LCA5: variants seen among roughly 807,000 people sequenced by gnomAD.
LCA5 encodes the protein lebercilin LCA5.
LCA5 carries 37 observed loss-of-function variants against 53.0 expected under a neutral mutation model. The observed-to-expected ratio is 0.70, with a 90% CI of 0.54 to 0.92. The LOEUF is 0.92. LCA5 is among the 40% of genes least tolerant of loss of function. The pLI is 0.00. For synonymous variants in LCA5, 303 were observed against 282.9 expected, an observed-to-expected ratio of 1.07 and a Z score of -0.71; for missense variants, 806 against 790.5, an observed-to-expected ratio of 1.02 and a Z score of -0.23.
Position 79,512,625 on chromosome 6 carries a change from T to C in LCA5, c.720+587A>G, listed in dbSNP as rs1217071692. ...ACTCAGGGCTTCTGTTTGATACATA[T>C]ATATATAGAAGGTGGCAACTGACTG... On this transcript the variant is annotated intron_variant, in intron 3 of 7. Coordinates refer to ENST00000369846, the MANE Select transcript of LCA5 (RefSeq NM_001122769.3). Among the ~76,000 whole-genome samples, 8 of 152,022 alleles carry C rather than the reference T, an allele frequency of 5.3e-5. No homozygotes were observed. The South Asian group carries it at 1.5e-3, about 28-fold the overall frequency.
At chr6:79,495,203 C>A (rs1305188294) in intron 3 of LCA5, among the ~76,000 whole-genome samples, 1 of 152,226 alleles carries the variant, frequency 6.6e-6, no homozygotes, top group East Asian at 1.9e-4. Flanking sequence ...TTATGAGAAT[C>A]TAATGCCTGA....
intron 1 of LCA5, among the ~76,000 whole-genome samples, chr6:79,528,375 T>C (rs1224737855): frequency 6.6e-6 from 1 of 152,080 alleles, no homozygotes; most frequent in Non-Finnish European, 1.5e-5. Flanking sequence ...GCAATGGCAA[T>C]CACTCAGCTC....
intron 1 of LCA5, among the ~76,000 whole-genome samples, chr6:79,536,250 G>A (rs2655695): frequency 0.012 from 1,886 of 152,212 alleles, 43 homozygotes; most frequent in African/African-American, 0.041. Flanking sequence ...AAAAGAAAGA[G>A]GGAATGAGTA....
At chr6:79,489,671 CAAAT>C (rs556848911) in intron 6 of LCA5, among the ~76,000 whole-genome samples, 6 of 152,030 alleles carry the variant, frequency 3.9e-5, no homozygotes, top group Non-Finnish European at 8.8e-5. Context: ...ATATTCAAAT[CAAAT>C]AAAAATGTTA....
Position 79,537,327 on chromosome 6 carries a change from C to G in LCA5, c.-354G>C, listed in dbSNP as rs1343989670. 4 of 152,526 alleles carry G rather than the reference C, an allele frequency of 2.6e-5. No homozygotes were observed. The highest frequency in any genetic ancestry group is 9.6e-5 in the African/African-American group (4 of 41,462). 9.4% of individuals were successfully genotyped at this position (152,526 alleles called of 1,614,324 possible). Reference sequence around the variant, plus strand: ...GGCGGGTGCCGAGGTTGCCGAGATGCGGGAGGTTTGAACACAAGGATGGGA... The same window carrying G: ...GGCGGGTGCCGAGGTTGCCGAGATGGGGGAGGTTTGAACACAAGGATGGGA... On this transcript the variant is annotated 5_prime_UTR_variant, in exon 1 of 8. Coordinates refer to ENST00000369846, the MANE Select transcript of LCA5 (RefSeq NM_001122769.3).
At chr6:79,520,908 G>A (rs79351936) in intron 1 of LCA5, among the ~76,000 whole-genome samples, 3,368 of 152,182 alleles carry the variant, frequency 0.022, 120 homozygotes, top group African/African-American at 0.076. Context: ...TATTTAAGTA[G>A]AAGGAGAAAT....
chr6:79,485,800 T>G lies in LCA5; in HGVS notation c.*1204A>C, dbSNP rs777514166. 11 of 152,156 alleles carry G rather than the reference T, an allele frequency of 7.2e-5. No individual in the cohort carries two copies. The highest frequency in any genetic ancestry group is 1.6e-4 in the Non-Finnish European group (11 of 68,020). 9.4% of individuals were successfully genotyped at this position (152,156 alleles called of 1,614,324 possible). On this transcript the variant is annotated 3_prime_UTR_variant, in exon 8 of 8. Coordinates refer to ENST00000369846, the MANE Select transcript of LCA5 (RefSeq NM_001122769.3). ...CTTCCCAACACACTATTTCCACCAC[T>G]CTTCATTTTAACAATGTTTTCTCCT...
In LCA5 at chr6:79,487,353, T is replaced by C; in HGVS notation, c.1745A>G (p.Asn582Ser). The C allele has an allele frequency of 6.2e-7, 1 of 1,613,108 alleles. No individual in the cohort carries two copies. Among genetic ancestry groups the C allele is most frequent in the Non-Finnish European group, 8.5e-7 (1 of 1,179,712 alleles). The change falls in exon 8 of 8, where the codon AAC becomes AGC. Residue 582 changes from asparagine to serine, a missense_variant. Transcript: ENST00000369846. The part of the protein sequence containing the change: ...QKSSFLDFQR[N>S]SMEKLSKDGV... ...ATCTTTACTAAGTTTTTCCATACTG[T>C]TTCTTTGGAAATCCAAAAAACTACT...
At chr6:79,533,703 T>G (rs1448507101) in intron 1 of LCA5, among the ~76,000 whole-genome samples, 1 of 151,500 alleles carries the variant, frequency 6.6e-6, no homozygotes, top group East Asian at 1.9e-4. Flanking sequence ...TGATTACAAA[T>G]GAATCAGAAA....
chr6:79,491,791 T>G (rs1462269506), intron 5 of LCA5, 61 bp from the exon 6 acceptor site: 40 of 1,432,564 alleles, frequency 2.8e-5, no homozygotes, highest in Non-Finnish European at 3.9e-5. Flanking sequence ...TATATGGAAT[T>G]CAGCTGGCAT....
chr6:79,495,161 T>C (rs1281906365), intron 3 of LCA5, among the ~76,000 whole-genome samples: 1 of 152,198 alleles, frequency 6.6e-6, no homozygotes, highest in East Asian at 1.9e-4. Context: ...TATTGTGAAC[T>C]GTGCCTGCGA....
At chr6:79,507,384 A>G (rs1172648951) in intron 3 of LCA5, among the ~76,000 whole-genome samples, 1 of 152,168 alleles carries the variant, frequency 6.6e-6, no homozygotes, top group Non-Finnish European at 1.5e-5. Context: ...CTAAATATAC[A>G]TAAACAAAAG....
intron 3 of LCA5, among the ~76,000 whole-genome samples, chr6:79,494,119 G>A (rs756981373): frequency 2.0e-5 from 3 of 152,022 alleles, no homozygotes; most frequent in Non-Finnish European, 2.9e-5. Flanking sequence ...GCTGGGCATG[G>A]TGGTGCATGC....
intron 1 of LCA5, among the ~76,000 whole-genome samples, chr6:79,525,884 G>A (rs1766771907): frequency 6.6e-6 from 1 of 152,188 alleles, no homozygotes; most frequent in African/African-American, 2.4e-5. Flanking sequence ...AAGCTAGCGT[G>A]AGTAAACCTT....
chr6:79,497,376 G>A (rs1228425161), intron 3 of LCA5, among the ~76,000 whole-genome samples: 1 of 152,130 alleles, frequency 6.6e-6, no homozygotes, highest in Non-Finnish European at 1.5e-5. Context: ...ATGAAGGTCA[G>A]GCGACATCAT....
rs1291081842 is a variant in LCA5 at position 79,486,782 on chromosome 6, ATTT to A, written c.*219_*221del. ...AAATCTATTTCATTTTTCAAGACAT[ATTT>A]TTATTTTTGGTTTCATTCAAAAAAG... On this transcript the variant is annotated 3_prime_UTR_variant, in exon 8 of 8. Coordinates refer to ENST00000369846, the MANE Select transcript of LCA5 (RefSeq NM_001122769.3). 4 of 457,514 alleles carry A rather than the reference ATTT, an allele frequency of 8.7e-6. No individual in the cohort carries two copies. The highest frequency in any genetic ancestry group is 1.5e-5 in the Non-Finnish European group (4 of 262,614). 28.3% of individuals were successfully genotyped at this position (457,514 alleles called of 1,614,324 possible). A position where few individuals can be genotyped will look rare whatever the true frequency, so the allele number is the denominator to read the frequency against.
chr6:79,495,700 G>A (rs1041051832), intron 3 of LCA5, among the ~76,000 whole-genome samples: 3 of 145,998 alleles, frequency 2.1e-5, no homozygotes, highest in African/African-American at 5.0e-5. Context: ...GCAGTGAGCC[G>A]AGATCATGCC....
intron 1 of LCA5, among the ~76,000 whole-genome samples, chr6:79,524,192 T>G (rs1387309637): frequency 1.3e-5 from 2 of 152,218 alleles, no homozygotes; most frequent in Non-Finnish European, 2.9e-5. Context: ...ACCAACTACA[T>G]TCTAGACCTA....
At chr6:79,535,093 T>C (rs964067321) in intron 1 of LCA5, among the ~76,000 whole-genome samples, 1 of 152,222 alleles carries the variant, frequency 6.6e-6, no homozygotes, top group Non-Finnish European at 1.5e-5. Context: ...ATTTCACCTG[T>C]ATTTTATTGT....
Sources: gnomAD v4.1 joint callset for allele counts (sites outside exome capture counted in the v4.1 genomes callset) on GRCh38, gnomAD v4.1.1 for gene constraint, MANE v1.5 for transcripts, NCBI Gene and HGNC (gene_info 2026-07-23, HGNC 2026-07-21) for gene names.